The following TMEM132D variants were observed in gnomAD, a reference collection of about 807,000 sequenced individuals.
TMEM132D encodes the protein mature OL transmembrane protein.
A neutral mutation model predicts 62.3 loss-of-function variants in TMEM132D; 21 were observed. The observed-to-expected ratio is 0.34, with a 90% confidence interval of 0.24 to 0.49. The LOEUF (loss-of-function observed/expected upper bound fraction) is 0.49. TMEM132D is among the 20% of genes least tolerant of loss of function. The pLI is 0.99. For synonymous variants in TMEM132D, 621 were observed against 575.6 expected (o/e 1.08, Z -1.13); for missense variants, 1,346 against 1,402.8 (o/e 0.96, Z 0.65).
chr12:129,135,372 G>T (rs1380175464), intron 5 of TMEM132D, among the ~76,000 whole-genome samples: 7 of 152,198 alleles, frequency 4.6e-5, no homozygotes, highest in Non-Finnish European at 1.0e-4. Context: ...CTCCTCTAGA[G>T]CTAGTTACAT....
chr12:129,372,284 T>TC (rs1870628973), intron 3 of TMEM132D, among the ~76,000 whole-genome samples: 1 of 152,102 alleles, frequency 6.6e-6, no homozygotes, highest in South Asian at 2.1e-4. Context: ...AGGCCAGGGG[T>TC]CCCCAGTCTG....
intron 1 of TMEM132D, among the ~76,000 whole-genome samples, chr12:129,873,194 G>A (rs141534723): frequency 4.4e-4 from 67 of 152,192 alleles, no homozygotes; most frequent in African/African-American, 9.1e-4. Context: ...TTAATTTATC[G>A]CATCAGACAT....
chr12:129,151,013 C>T (rs922290713), intron 5 of TMEM132D, among the ~76,000 whole-genome samples: 1 of 152,144 alleles, frequency 6.6e-6, no homozygotes, highest in Non-Finnish European at 1.5e-5. Flanking sequence ...CCTGGAGGAT[C>T]CCAGAAGCCC....
At position 129,735,854 on chromosome 12, in the gene TMEM132D, T is replaced by C. The variant is rs535768416; in HGVS notation, c.80-35156A>G. On this transcript the variant is annotated intron_variant, in intron 1 of 8. Transcript: ENST00000422113. ...ACTTTGCAACCATTTATCCATGCCA[T>C]TGTCCTTATAGACCTATAAAGATCA... 2.0e-5 allele frequency among the ~76,000 whole-genome samples: 3 copies of C among 152,312 alleles called. 1 individual carries two copies. Among genetic ancestry groups the C allele is most frequent in the African/African-American group, 7.2e-5 (3 of 41,576 alleles).
chr12:129,771,737 TAC>T (rs1870760841), intron 1 of TMEM132D, among the ~76,000 whole-genome samples: 1 of 152,254 alleles, frequency 6.6e-6, no homozygotes, highest in Non-Finnish European at 1.5e-5. Flanking sequence ...ATGGGACATT[TAC>T]TACCCTTGCC....
intron 5 of TMEM132D, among the ~76,000 whole-genome samples, chr12:129,181,604 C>T (rs1446269988): frequency 6.6e-6 from 1 of 152,204 alleles, no homozygotes; most frequent in Admixed American, 6.5e-5. Flanking sequence ...TCCCACCTCT[C>T]CCACCTCATC....
chr12:129,275,915 G>A (rs1880992884), intron 4 of TMEM132D, among the ~76,000 whole-genome samples: 1 of 152,216 alleles, frequency 6.6e-6, no homozygotes, highest in South Asian at 2.1e-4. Flanking sequence ...GGTCGAGTTG[G>A]AAATCAAGAG....
chr12:129,359,158 G>A (rs775436103), intron 3 of TMEM132D, among the ~76,000 whole-genome samples: 22 of 152,122 alleles, frequency 1.4e-4, no homozygotes, highest in Non-Finnish European at 2.8e-4. Context: ...CATGGGAAGT[G>A]AAATAAGCCA....
intron 3 of TMEM132D, among the ~76,000 whole-genome samples, chr12:129,456,676 C>T (rs1873478447): frequency 6.6e-6 from 1 of 152,150 alleles, no homozygotes; most frequent in Non-Finnish European, 1.5e-5. Flanking sequence ...TCTCTTTTAC[C>T]CATAAACGGC....
intron 3 of TMEM132D, among the ~76,000 whole-genome samples, chr12:129,427,148 A>G (rs1344588399): frequency 6.6e-6 from 1 of 152,220 alleles, no homozygotes; most frequent in African/African-American, 2.4e-5. Context: ...TTTACCATCT[A>G]TATGTATGGA....
At chr12:129,375,401 T>C (rs116311210) in intron 3 of TMEM132D, among the ~76,000 whole-genome samples, 1 of 152,292 alleles carries the variant, frequency 6.6e-6, no homozygotes, top group African/African-American at 2.4e-5. Context: ...TTGGGAATCA[T>C]CTGTGTCATA....
intron 2 of TMEM132D, among the ~76,000 whole-genome samples, chr12:129,665,925 T>C (rs1360254940): frequency 3.3e-5 from 5 of 152,204 alleles, no homozygotes; most frequent in Admixed American, 6.5e-5. Flanking sequence ...TAGTTTACAA[T>C]TGGGAAGCCC....
At chr12:129,829,241 G>A (rs1872756793) in intron 1 of TMEM132D, among the ~76,000 whole-genome samples, 1 of 152,144 alleles carries the variant, frequency 6.6e-6, no homozygotes, top group South Asian at 2.1e-4. Context: ...ATCATGGTTA[G>A]AATAATCGTG....
chr12:129,489,474 T>C (rs1874692425), intron 3 of TMEM132D, among the ~76,000 whole-genome samples: 1 of 152,230 alleles, frequency 6.6e-6, no homozygotes, highest in Non-Finnish European at 1.5e-5. Flanking sequence ...TGAGATACTG[T>C]TATATGCCTA....
intron 4 of TMEM132D, among the ~76,000 whole-genome samples, chr12:129,285,495 G>A (rs1881267365): frequency 8.3e-6 from 1 of 120,692 alleles, no homozygotes; most frequent in South Asian, 2.9e-4. Context: ...CCATTGCACT[G>A]CAGCCTGGGT....
chr12:129,539,565 A>G (rs1267543038), intron 2 of TMEM132D, among the ~76,000 whole-genome samples: 1 of 27,252 alleles, frequency 3.7e-5, no homozygotes, highest in Non-Finnish European at 6.7e-5. Flanking sequence ...CCACTGGCTA[A>G]TTTTTTCTAT....
At position 129,110,558 on chromosome 12, in the gene TMEM132D, A is replaced by G. The variant is rs141998231; in HGVS notation, c.1444-25856T>C. 2.0e-5 allele frequency: 3 copies of G among 152,352 alleles called. No individual in the cohort carries two copies. In the East Asian group the frequency reaches 5.8e-4, roughly 29 times the overall value. 9.4% of individuals were successfully genotyped at this position (152,352 alleles called of 1,614,324 possible). A position where few individuals can be genotyped will look rare whatever the true frequency, so the allele number is the denominator to read the frequency against. ...AAAGCAAACTATATTCCAGCAAGCG[A>G]AAACATAACACACTGCCCCAGAAGC... On this transcript the variant is annotated intron_variant, in intron 5 of 8. Transcript: ENST00000422113.
At chr12:129,646,877 G>T (rs1879795922) in intron 2 of TMEM132D, among the ~76,000 whole-genome samples, 1 of 148,276 alleles carries the variant, frequency 6.7e-6, no homozygotes, top group African/African-American at 2.5e-5. Context: ...TTGGCTCACT[G>T]CAACCTCCGC....
chr12:129,189,057 G>A (rs1454392033), intron 5 of TMEM132D, among the ~76,000 whole-genome samples: 1 of 151,650 alleles, frequency 6.6e-6, no homozygotes, highest in Non-Finnish European at 1.5e-5. Context: ...AAAAAGTAGG[G>A]ATTGCAGGAT....
Sources: gnomAD v4.1 joint callset for allele counts (sites outside exome capture counted in the v4.1 genomes callset) on GRCh38, gnomAD v4.1.1 for gene constraint, MANE v1.5 for transcripts, NCBI Gene and HGNC (gene_info 2026-07-23, HGNC 2026-07-21) for gene names.